Variants in CYTH3 observed in about 807,000 individuals in gnomAD.
CYTH3 encodes the protein cytohesin 3.
CYTH3 carries 23 observed loss-of-function variants against 55.1 expected under a neutral mutation model. The ratio of observed to expected loss-of-function variants is 0.42; its 90% confidence interval spans 0.30 to 0.59. The LOEUF is 0.59. CYTH3 is among the 20% of genes least tolerant of loss of function. CYTH3 has a pLI of 0.20. For synonymous variants in CYTH3, 249 were observed against 194.9 expected (o/e 1.28, Z -2.31); for missense variants, 413 against 524.8 (o/e 0.79, Z 2.08).
intron 5 of CYTH3, among the ~76,000 whole-genome samples, chr7:6,177,322 A>G (rs1277081195): frequency 1.3e-5 from 2 of 152,268 alleles, no homozygotes; most frequent in Admixed American, 1.3e-4. Flanking sequence ...TCTGTTTGCC[A>G]TACTCAGGGC....
At chr7:6,229,458 G>A (rs1413619845) in intron 1 of CYTH3, among the ~76,000 whole-genome samples, 1 of 152,094 alleles carries the variant, frequency 6.6e-6, no homozygotes, top group African/African-American at 2.4e-5. Context: ...ACAAGCCTGT[G>A]CAAGTTATCT....
intron 1 of CYTH3, among the ~76,000 whole-genome samples, chr7:6,236,016 G>C (rs1280038868): frequency 1.3e-5 from 2 of 152,052 alleles, no homozygotes; most frequent in Admixed American, 1.3e-4. Flanking sequence ...GCCAATTCAC[G>C]AAGTCACACA....
intron 1 of CYTH3, among the ~76,000 whole-genome samples, chr7:6,200,139 TTAAAAAATA>T (rs1784025601): frequency 6.6e-6 from 1 of 152,224 alleles, no homozygotes; most frequent in Non-Finnish European, 1.5e-5. Flanking sequence ...GATACTCATA[TTAAAAAATA>T]AGCAAGTGGT....
At chr7:6,257,445 AT>A (rs1290958374) in intron 1 of CYTH3, among the ~76,000 whole-genome samples, 5 of 152,256 alleles carry the variant, frequency 3.3e-5, no homozygotes, top group Admixed American at 2.6e-4. Context: ...TTCTAACAGA[AT>A]ATTAAATTGC....
intron 1 of CYTH3, among the ~76,000 whole-genome samples, chr7:6,204,151 T>A (rs538634339): frequency 6.6e-6 from 1 of 152,290 alleles, no homozygotes; most frequent in South Asian, 2.1e-4. Context: ...AGGTGCCAGC[T>A]TTTTTCTTCT....
At chr7:6,247,250 C>T (rs776687882) in intron 1 of CYTH3, among the ~76,000 whole-genome samples, 1 of 152,206 alleles carries the variant, frequency 6.6e-6, no homozygotes, top group Non-Finnish European at 1.5e-5. Flanking sequence ...CTCCACGACA[C>T]TATTTTCTGG....
In CYTH3 at chr7:6,164,747, A is replaced by C. The variant is rs1289926984; in HGVS notation, c.*197T>G. On this transcript the variant is annotated 3_prime_UTR_variant, in exon 13 of 13. Transcript: ENST00000350796. ...GGTACGCTCTGGAGCAGCAGCTTGCACTGCAGGGCGACCACCTCCCAGGAC... is the reference window on the plus strand; with the variant it reads ...GGTACGCTCTGGAGCAGCAGCTTGCCCTGCAGGGCGACCACCTCCCAGGAC... The C allele has an allele frequency of 2.7e-5, 18 of 672,104 alleles. No homozygotes were observed. Among genetic ancestry groups the C allele is most frequent in the Non-Finnish European group, 4.7e-5 (18 of 378,956 alleles). The allele number at this position is 672,104 out of a possible 1,614,324, so 41.6% of individuals were successfully genotyped here.
chr7:6,213,854 T>C (rs1488046504), intron 1 of CYTH3, among the ~76,000 whole-genome samples: 1 of 152,066 alleles, frequency 6.6e-6, no homozygotes, highest in African/African-American at 2.4e-5. Flanking sequence ...TGTCTGGATG[T>C]TCTCTCTGCC....
At chr7:6,247,022 G>C (rs923556905) in intron 1 of CYTH3, among the ~76,000 whole-genome samples, 1 of 152,146 alleles carries the variant, frequency 6.6e-6, no homozygotes, top group Non-Finnish European at 1.5e-5. Flanking sequence ...GGTACAGGTA[G>C]TAGAAAAAAG....
chr7:6,252,990 C>A (rs935520976), intron 1 of CYTH3, among the ~76,000 whole-genome samples: 5 of 152,046 alleles, frequency 3.3e-5, no homozygotes, highest in Admixed American at 2.6e-4. Context: ...TGAACCACTC[C>A]GTAACTCCTT....
At chr7:6,166,984 C>A (rs1467558513) in intron 9 of CYTH3, among the ~76,000 whole-genome samples, 1 of 152,170 alleles carries the variant, frequency 6.6e-6, no homozygotes, top group East Asian at 1.9e-4. Context: ...TCTGCTGCAT[C>A]TCCCCAGCCC....
chr7:6,201,640 T>C (rs576350999), intron 1 of CYTH3, among the ~76,000 whole-genome samples: 1 of 152,144 alleles, frequency 6.6e-6, no homozygotes, highest in Non-Finnish European at 1.5e-5. Flanking sequence ...TAAAAAAACC[T>C]GACTGTGTAA....
At chr7:6,268,823 G>T (rs1780576444) in intron 1 of CYTH3, among the ~76,000 whole-genome samples, 1 of 152,008 alleles carries the variant, frequency 6.6e-6, no homozygotes, top group Non-Finnish European at 1.5e-5. Context: ...TGATATAGAG[G>T]GAATTTAATA....
chr7:6,205,718 C>T (rs1784169670), intron 1 of CYTH3, among the ~76,000 whole-genome samples: 2 of 151,146 alleles, frequency 1.3e-5, no homozygotes, highest in South Asian at 4.2e-4. Context: ...CTGAAAAAAG[C>T]CAAAACACAT....
chr7:6,174,569 A>G (rs773378920), intron 5 of CYTH3, among the ~76,000 whole-genome samples: 1,692 of 121,092 alleles, frequency 0.014, 24 homozygotes, highest in Middle Eastern at 0.074. Context: ...TTTTTTCCAG[A>G]CAGAGTCTCG....
intron 6 of CYTH3, chr7:6,172,095 C>G (rs557712462): frequency 6.6e-6 from 1 of 152,624 alleles, no homozygotes; most frequent in Non-Finnish European, 1.5e-5. Context: ...ACGTCTGATG[C>G]TGCCGTGGAT....
intron 1 of CYTH3, among the ~76,000 whole-genome samples, chr7:6,261,689 C>CAA (rs71549614): frequency 0.015 from 702 of 47,416 alleles, 32 homozygotes; most frequent in African/African-American, 0.039. Flanking sequence ...GACCCTGTCT[C>CAA]AAAAAAAAAA....
At chr7:6,184,048 G>A (rs1583755371) in intron 4 of CYTH3, among the ~76,000 whole-genome samples, 1 of 109,182 alleles carries the variant, frequency 9.2e-6, no homozygotes, top group Non-Finnish European at 1.9e-5. Context: ...CCCCTCTGTG[G>A]CTTTTTTTTT....
At chr7:6,249,822 G>T (rs1324036554) in intron 1 of CYTH3, among the ~76,000 whole-genome samples, 1 of 152,174 alleles carries the variant, frequency 6.6e-6, no homozygotes, top group Non-Finnish European at 1.5e-5. Context: ...CCACAGTCAG[G>T]AAGATTAACA....
Sources: allele counts gnomAD v4.1 joint callset (sites outside exome capture counted in the v4.1 genomes callset), GRCh38; gene constraint gnomAD v4.1.1; transcripts MANE v1.5; gene names NCBI Gene and HGNC (gene_info 2026-07-23, HGNC 2026-07-21).